The following CTNNA3 variants were observed in gnomAD, a reference collection of about 807,000 sequenced individuals.
CTNNA3 encodes the protein catenin alpha-3.
In CTNNA3, 76 loss-of-function variants were observed where a neutral mutation model predicts 95.7. That is an observed-to-expected ratio of 0.79 (90% CI 0.66 to 0.96). The LOEUF is 0.96. Among genes scored for constraint, CTNNA3 ranks in the 40% least tolerant of loss-of-function variants. The pLI, the probability that CTNNA3 is intolerant of heterozygous loss-of-function variation, is 0.00. For synonymous variants in CTNNA3, 431 were observed against 374.4 expected (o/e 1.15, Z -1.74); for missense variants, 1,191 against 1,089.8 (o/e 1.09, Z -1.31).
At chr10:67,245,025 T>C (rs1022604401) in intron 5 of CTNNA3, among the ~76,000 whole-genome samples, 1 of 152,156 alleles carries the variant, frequency 6.6e-6, no homozygotes, top group African/African-American at 2.4e-5. Flanking sequence ...AAATGTGACC[T>C]CTTATTACCT....
At chr10:66,708,699 T>C (rs1178196453) in intron 9 of CTNNA3, among the ~76,000 whole-genome samples, 4 of 152,004 alleles carry the variant, frequency 2.6e-5, no homozygotes, top group Non-Finnish European at 5.9e-5. Flanking sequence ...TTTTACTGAG[T>C]ATCACTGAAT....
chr10:66,372,653 A>G (rs2092762613), intron 12 of CTNNA3, among the ~76,000 whole-genome samples: 1 of 152,202 alleles, frequency 6.6e-6, no homozygotes, highest in African/African-American at 2.4e-5. Flanking sequence ...TAATTTATAA[A>G]GAAAACAGGT....
intron 12 of CTNNA3, among the ~76,000 whole-genome samples, chr10:66,346,246 T>TATATATATATATAGAGAG (rs1416945569): frequency 1.8e-4 from 5 of 27,786 alleles, no homozygotes; most frequent in Non-Finnish European, 3.8e-4. Flanking sequence ...TATATATATA[T>TATATATATATATAGAGAG]AGAGAGAGAG....
chr10:65,978,089 C>A (rs2078242662), intron 16 of CTNNA3, among the ~76,000 whole-genome samples: 1 of 152,042 alleles, frequency 6.6e-6, no homozygotes. Flanking sequence ...TGATTCCTGA[C>A]TCTATCAAGT....
rs1859603363 is a variant in CTNNA3 at position 67,124,314 on chromosome 10, C to T, written c.1047+56003G>A. ...TCCTCTAGTTCTCTCTCTCCTCCTGCGTGTAGGGGTGTGTTAGCGGTGTGT... is the reference window on the plus strand; with the variant it reads ...TCCTCTAGTTCTCTCTCTCCTCCTGTGTGTAGGGGTGTGTTAGCGGTGTGT... On this transcript the variant is annotated intron_variant, in intron 7 of 17. Coordinates refer to ENST00000433211, the MANE Select transcript of CTNNA3 (RefSeq NM_013266.4). 3.5e-5 allele frequency among the ~76,000 whole-genome samples: 5 copies of T among 144,434 alleles called. No homozygotes were observed. The Admixed American group carries it at 3.5e-4, about 10-fold the overall frequency. 94.8% of individuals were successfully genotyped at this position (144,434 alleles called of 152,430 possible). A position where few individuals can be genotyped will look rare whatever the true frequency, so the allele number is the denominator to read the frequency against.
intron 9 of CTNNA3, among the ~76,000 whole-genome samples, chr10:66,746,065 T>G (rs1838858929): frequency 6.6e-6 from 1 of 152,202 alleles, no homozygotes; most frequent in Non-Finnish European, 1.5e-5. Context: ...CATCGGCATG[T>G]TCCTTAATTT....
In CTNNA3 at chr10:67,007,582, G is replaced by C. The variant is rs76651844; in HGVS notation, c.1047+172735C>G. Reference sequence around the variant, plus strand: ...AATCTTAAAATGATATCCAGTAAAAGGGAAAACCTGAAAACATAAGGTAAA... The same window carrying C: ...AATCTTAAAATGATATCCAGTAAAACGGAAAACCTGAAAACATAAGGTAAA... On this transcript the variant is annotated intron_variant, in intron 7 of 17. Coordinates refer to ENST00000433211, the MANE Select transcript of CTNNA3 (RefSeq NM_013266.4). 7.7e-3 allele frequency among the ~76,000 whole-genome samples: 1,171 copies of C among 151,926 alleles called. 40 individuals are homozygous for C. The East Asian group carries it at 0.11, about 14-fold the overall frequency.
intron 7 of CTNNA3, among the ~76,000 whole-genome samples, chr10:66,898,495 A>C (rs1845591864): frequency 6.6e-6 from 1 of 152,204 alleles, no homozygotes; most frequent in South Asian, 2.1e-4. Context: ...AAGCAAACAA[A>C]CAAAAAACAG....
chr10:67,740,135 T>C (rs1382000864), intron 1 of CTNNA3, among the ~76,000 whole-genome samples: 1 of 152,264 alleles, frequency 6.6e-6, no homozygotes, highest in Non-Finnish European at 1.5e-5. Flanking sequence ...ATCCCTTCCT[T>C]ACACCTTATA....
chr10:66,055,854 A>G (rs998064252), intron 15 of CTNNA3, among the ~76,000 whole-genome samples: 10 of 146,560 alleles, frequency 6.8e-5, no homozygotes, highest in African/African-American at 2.5e-4. Context: ...CCTGGGAGAC[A>G]GAGGTTGTAG....
intron 5 of CTNNA3, among the ~76,000 whole-genome samples, chr10:67,296,100 C>A (rs1010811887): frequency 6.6e-6 from 1 of 152,028 alleles, no homozygotes; most frequent in African/African-American, 2.4e-5. Context: ...AAGCAATGAC[C>A]CTGTAAGATA....
chr10:66,159,604 G>A (rs925905102), intron 13 of CTNNA3, among the ~76,000 whole-genome samples: 1 of 148,056 alleles, frequency 6.8e-6, no homozygotes, highest in African/African-American at 2.5e-5. Flanking sequence ...CAAAGATATT[G>A]GTCTTTAGTT....
chr10:66,465,632 A>G (rs1838880559), intron 11 of CTNNA3, among the ~76,000 whole-genome samples: 1 of 152,074 alleles, frequency 6.6e-6, no homozygotes, highest in South Asian at 2.1e-4. Flanking sequence ...CTGGTTGAGA[A>G]TCAGACTCAG....
intron 9 of CTNNA3, among the ~76,000 whole-genome samples, chr10:66,743,539 T>G (rs1849397378): frequency 6.6e-6 from 1 of 152,172 alleles, no homozygotes; most frequent in Admixed American, 6.5e-5. Flanking sequence ...CAGACCTGAC[T>G]TGCCTATTTC....
intron 11 of CTNNA3, among the ~76,000 whole-genome samples, chr10:66,469,678 GA>G (rs1839057013): frequency 2.0e-5 from 3 of 151,904 alleles, no homozygotes; most frequent in Non-Finnish European, 4.4e-5. Context: ...AGCAAAAATG[GA>G]TGTAGGTGCA....
intron 3 of CTNNA3, among the ~76,000 whole-genome samples, chr10:67,606,060 G>A (rs533522950): frequency 6.6e-6 from 1 of 152,094 alleles, no homozygotes; most frequent in Admixed American, 6.6e-5. Context: ...ATTAGCAAAG[G>A]CTTCCTGATT....
At chr10:67,224,673 CA>C (rs1162357118) in intron 5 of CTNNA3, among the ~76,000 whole-genome samples, 3 of 149,210 alleles carry the variant, frequency 2.0e-5, no homozygotes, top group Non-Finnish European at 3.0e-5. Context: ...AAGAGCCAAG[CA>C]AAAAAAAATA....
intron 13 of CTNNA3, among the ~76,000 whole-genome samples, chr10:66,104,383 T>C (rs911161223): frequency 4.1e-4 from 63 of 152,342 alleles, no homozygotes; most frequent in Non-Finnish European, 8.8e-5. Flanking sequence ...CAAATACATG[T>C]CAAAGTGCTT....
At chr10:66,806,585 T>C (rs943120004) in intron 7 of CTNNA3, among the ~76,000 whole-genome samples, 9 of 152,096 alleles carry the variant, frequency 5.9e-5, no homozygotes, top group Non-Finnish European at 1.0e-4. Context: ...AAATTGACTA[T>C]TGTAACTTTT....
Sources: gnomAD v4.1 joint callset for allele counts (sites outside exome capture counted in the v4.1 genomes callset) on GRCh38, gnomAD v4.1.1 for gene constraint, MANE v1.5 for transcripts, NCBI Gene and HGNC (gene_info 2026-07-23, HGNC 2026-07-21) for gene names.